Variants in RIMS1 observed in about 807,000 individuals in gnomAD.
RIMS1 encodes regulating synaptic membrane exocytosis 1, also known as regulating synaptic membrane exocytosis protein 1.
RIMS1 carries 83 observed loss-of-function variants against 214.1 expected under a neutral mutation model. The ratio of observed to expected loss-of-function variants is 0.39; its 90% confidence interval spans 0.32 to 0.47. The LOEUF is 0.47. RIMS1 is among the 20% of genes least tolerant of loss of function. The pLI, the probability that RIMS1 is intolerant of heterozygous loss-of-function variation, is 0.99. For missense variants in RIMS1, 2,050 were observed against 2,161.8 expected (o/e 0.95, Z 1.03); for synonymous variants, 793 against 786.8 (o/e 1.01, Z -0.13).
At chr6:72,167,323 G>GT (rs1191627303) in intron 4 of RIMS1, among the ~76,000 whole-genome samples, 2 of 151,754 alleles carry the variant, frequency 1.3e-5, no homozygotes, top group East Asian at 1.9e-4. Context: ...AAGTTTGGTA[G>GT]TTTTTTTCTT....
intron 19 of RIMS1, chr6:72,263,804 AACAC>A (rs67722831): frequency 0.16 from 20,273 of 124,504 alleles, 917 homozygotes; most frequent in Middle Eastern, 0.17. Context: ...TCTCTACTAA[AACAC>A]ACACACACAC....
intron 27 of RIMS1, among the ~76,000 whole-genome samples, chr6:72,312,328 G>C (rs898502024): frequency 6.6e-6 from 1 of 152,064 alleles, no homozygotes; most frequent in African/African-American, 2.4e-5. Flanking sequence ...AGAAGTTATA[G>C]TATCTTACCT....
intron 27 of RIMS1, among the ~76,000 whole-genome samples, 164 bp downstream of exon 27, chr6:72,307,534 A>G (rs1441431677): frequency 6.6e-6 from 1 of 152,104 alleles, no homozygotes; most frequent in African/African-American, 2.4e-5. Flanking sequence ...CAAGGCAGGC[A>G]CATCACCTAA....
intron 4 of RIMS1, among the ~76,000 whole-genome samples, chr6:72,174,742 T>C (rs1346366804): frequency 6.6e-6 from 1 of 152,110 alleles, no homozygotes; most frequent in Non-Finnish European, 1.5e-5. Flanking sequence ...AGAGTAACAG[T>C]GGAATCTCAG....
intron 6 of RIMS1, among the ~76,000 whole-genome samples, chr6:72,203,492 T>C (rs887856815): frequency 6.6e-6 from 1 of 152,138 alleles, no homozygotes; most frequent in African/African-American, 2.4e-5. Flanking sequence ...AATAAGCTTA[T>C]AGACCTGTAG....
intron 4 of RIMS1, among the ~76,000 whole-genome samples, chr6:72,152,182 G>A (rs942740808): frequency 2.0e-5 from 3 of 152,168 alleles, no homozygotes; most frequent in Admixed American, 6.5e-5. Flanking sequence ...GGTTGGATGC[G>A]AAATGCTCAT....
At chr6:71,984,515 A>T (rs1799342484) in intron 2 of RIMS1, among the ~76,000 whole-genome samples, 1 of 152,204 alleles carries the variant, frequency 6.6e-6, no homozygotes, top group Non-Finnish European at 1.5e-5. Context: ...AGCCCTCAAC[A>T]CGTTAAACCT....
intron 2 of RIMS1, among the ~76,000 whole-genome samples, chr6:72,041,573 A>G (rs182786966): frequency 6.6e-6 from 1 of 152,028 alleles, no homozygotes; most frequent in Non-Finnish European, 1.5e-5. Flanking sequence ...ATACATTTTA[A>G]ATTATACTGC....
chr6:72,165,707 T>G (rs1440871733), intron 4 of RIMS1, among the ~76,000 whole-genome samples: 1 of 152,138 alleles, frequency 6.6e-6, no homozygotes, highest in Admixed American at 6.5e-5. Flanking sequence ...TGAACAGATT[T>G]GAAGCTGGAA....
intron 29 of RIMS1, among the ~76,000 whole-genome samples, chr6:72,381,849 G>C (rs529492824): frequency 2.9e-3 from 437 of 152,310 alleles, no homozygotes; most frequent in African/African-American, 0.01. Context: ...TGTTCGAACA[G>C]ATGAATCCTT....
chr6:72,109,360 C>T (rs1359394658), intron 4 of RIMS1, among the ~76,000 whole-genome samples: 2 of 150,744 alleles, frequency 1.3e-5, no homozygotes, highest in Non-Finnish European at 3.0e-5. Flanking sequence ...TCTCCAGCAC[C>T]TGTTGTTTCC....
intron 9 of RIMS1, among the ~76,000 whole-genome samples, chr6:72,239,189 C>A (rs1345860723): frequency 6.6e-6 from 1 of 152,020 alleles, no homozygotes; most frequent in Non-Finnish European, 1.5e-5. Flanking sequence ...ACTACAGAAA[C>A]CTGAGTTTGC....
At chr6:72,029,398 TGG>T (rs1817444127) in intron 2 of RIMS1, among the ~76,000 whole-genome samples, 1 of 152,124 alleles carries the variant, frequency 6.6e-6, no homozygotes, top group Non-Finnish European at 1.5e-5. Context: ...TGTAAGAGGT[TGG>T]GCCTTTAGGA....
chr6:72,237,928 GTTTCTTT>G lies in RIMS1; in HGVS notation c.1957+10_1957+16del. 6.3e-7 allele frequency: 1 copy of G among 1,592,930 alleles called. No homozygotes were observed. The highest frequency in any genetic ancestry group is 1.1e-5 in the South Asian group (1 of 87,522). Reference sequence around the variant, plus strand: ...AGTTGGACACCTAAGAGCAGGTAAAGTTTCTTTTTTTAATATTTAAACAGTGTGTTCT... The same window carrying G: ...AGTTGGACACCTAAGAGCAGGTAAAGTTTTAATATTTAAACAGTGTGTTCT... On this transcript the variant is annotated splice_region_variant and intron_variant, in intron 9 of 33. Coordinates refer to ENST00000521978, the MANE Select transcript of RIMS1 (RefSeq NM_014989.7).
At chr6:72,372,975 A>G (rs1240759495) in intron 29 of RIMS1, among the ~76,000 whole-genome samples, 1 of 152,226 alleles carries the variant, frequency 6.6e-6, no homozygotes, top group Admixed American at 6.5e-5. Flanking sequence ...TCTTTTTTAA[A>G]CAAAATTAAA....
chr6:72,127,121 C>T (rs767667591), intron 4 of RIMS1, among the ~76,000 whole-genome samples: 3 of 152,182 alleles, frequency 2.0e-5, no homozygotes, highest in Non-Finnish European at 4.4e-5. Context: ...ATTTCCCCAT[C>T]ACCAGAGTAT....
intron 2 of RIMS1, among the ~76,000 whole-genome samples, chr6:72,038,237 T>C (rs1820497991): frequency 6.8e-6 from 1 of 146,412 alleles, no homozygotes; most frequent in East Asian, 2.0e-4. Context: ...AACAGAGATA[T>C]GAAAAACCCA....
At chr6:72,196,546 T>G (rs1372579009) in intron 6 of RIMS1, among the ~76,000 whole-genome samples, 1 of 149,614 alleles carries the variant, frequency 6.7e-6, no homozygotes, top group Non-Finnish European at 1.5e-5. Flanking sequence ...ATTTCCCGTT[T>G]GCCCTAAAAG....
chr6:71,984,789 C>A (rs867680384), intron 2 of RIMS1, among the ~76,000 whole-genome samples: 4,384 of 148,218 alleles, frequency 0.03, 95 homozygotes, highest in Admixed American at 0.048. Flanking sequence ...ATCTATCTAT[C>A]TATCTATCTA....
Sources: allele counts gnomAD v4.1 joint callset (sites outside exome capture counted in the v4.1 genomes callset), GRCh38; gene constraint gnomAD v4.1.1; transcripts MANE v1.5; gene names NCBI Gene and HGNC (gene_info 2026-07-23, HGNC 2026-07-21).